The following PPP6C variants were observed in gnomAD, a reference collection of about 807,000 sequenced individuals.
PPP6C encodes the protein protein phosphatase 6 catalytic subunit.
A neutral mutation model predicts 39.8 loss-of-function variants in PPP6C; 11 were observed. The observed-to-expected ratio is 0.28, with a 90% confidence interval of 0.17 to 0.46. The LOEUF (loss-of-function observed/expected upper bound fraction) is 0.46. Ranked by LOEUF, PPP6C falls within the 20% of genes least tolerant of loss-of-function variation. PPP6C has a pLI of 1.00. For missense variants in PPP6C, 211 were observed against 373.9 expected (o/e 0.56, Z 3.59); for synonymous variants, 129 against 130.3 (o/e 0.99, Z 0.07).
chr9:125,151,213 T>C lies in PPP6C; in HGVS notation c.670-1292A>G. 6 of 1,508,176 alleles carry C rather than the reference T, an allele frequency of 4.0e-6. No homozygotes were observed. In the South Asian group the frequency reaches 6.8e-5, roughly 17 times the overall value. 93.4% of individuals were successfully genotyped at this position (1,508,176 alleles called of 1,614,324 possible). A position where few individuals can be genotyped will look rare whatever the true frequency, so the allele number is the denominator to read the frequency against. ...AGACAGGCTGAATGTGGACTTTGCC[T>C]TGATTCACAAAGAAGGCCAATGAAG... On this transcript the variant is annotated intron_variant, in intron 6 of 6. Transcript: ENST00000373547.
intron 4 of PPP6C, among the ~76,000 whole-genome samples, chr9:125,157,183 G>A (rs1236783871): frequency 7.3e-6 from 1 of 137,328 alleles, no homozygotes; most frequent in African/African-American, 2.7e-5. Context: ...ACAGGGTTTA[G>A]TTGGCCAGGC....
intron 2 of PPP6C, among the ~76,000 whole-genome samples, chr9:125,166,102 T>C (rs1297331760): frequency 3.9e-5 from 6 of 152,132 alleles, no homozygotes; most frequent in Non-Finnish European, 7.4e-5. Flanking sequence ...TGGCCTATAA[T>C]AGTCATCTTT....
Position 125,149,323 on chromosome 9 carries a change from T to A in PPP6C, c.*350A>T, listed in dbSNP as rs1476609736. 2 of 179,774 alleles carry A rather than the reference T, an allele frequency of 1.1e-5. No individual in the cohort carries two copies. The highest frequency in any genetic ancestry group is 1.4e-4 in the East Asian group (1 of 6,978). 11.1% of individuals were successfully genotyped at this position (179,774 alleles called of 1,614,324 possible). A position where few individuals can be genotyped will look rare whatever the true frequency, so the allele number is the denominator to read the frequency against. On this transcript the variant is annotated 3_prime_UTR_variant, in exon 7 of 7. Coordinates refer to ENST00000373547, the MANE Select transcript of PPP6C (RefSeq NM_002721.5). ...AGGCTGAATGATACAAAAGGAGGAG[T>A]ATTTAGGTGTAATCTGTCAATTGGC...
intron 3 of PPP6C, 106 bp downstream of exon 3, chr9:125,160,735 G>T (rs4837011): frequency 0.28 from 213,775 of 770,464 alleles, 31,651 homozygotes; most frequent in East Asian, 0.31. Context: ...TTAATATACT[G>T]AAATAGGGAC....
intron 1 of PPP6C, among the ~76,000 whole-genome samples, chr9:125,173,379 C>T (rs891261233): frequency 1.4e-5 from 2 of 138,754 alleles, no homozygotes; most frequent in Non-Finnish European, 3.0e-5. Flanking sequence ...TGCACTCCAG[C>T]CTGGGCAGCA....
chr9:125,149,632 G>T lies in PPP6C; in HGVS notation c.*41C>A, dbSNP rs774681081. ...GGGTAATACAAGAAAATTGGGGTAAGAAGAGGGCAGAAAAATGGGTCAGCA... is the reference window on the plus strand; with the variant it reads ...GGGTAATACAAGAAAATTGGGGTAATAAGAGGGCAGAAAAATGGGTCAGCA... On this transcript the variant is annotated 3_prime_UTR_variant, in exon 7 of 7. Transcript: ENST00000373547. 5.6e-6 allele frequency: 9 copies of T among 1,600,852 alleles called. No individual in the cohort carries two copies. Among genetic ancestry groups the T allele is most frequent in the Non-Finnish European group, 7.7e-6 (9 of 1,171,298 alleles).
intron 6 of PPP6C, chr9:125,151,111 G>C: frequency 7.3e-7 from 1 of 1,364,402 alleles, no homozygotes; most frequent in South Asian, 1.2e-5. Context: ...GTGGATAAGG[G>C]AGAATATCTC....
At chr9:125,159,025 G>C (rs1052219095) in intron 3 of PPP6C, among the ~76,000 whole-genome samples, 7 of 143,502 alleles carry the variant, frequency 4.9e-5, no homozygotes, top group Non-Finnish European at 9.1e-5. Context: ...CTGCTAACCA[G>C]TATTTTTTAA....
At chr9:125,160,141 GTGTA>G (rs1421744164) in intron 3 of PPP6C, among the ~76,000 whole-genome samples, 3 of 152,208 alleles carry the variant, frequency 2.0e-5, no homozygotes, top group Admixed American at 2.0e-4. Context: ...TATAGCAAAT[GTGTA>G]TGTGTGTATA....
chr9:125,149,327 T>C lies in PPP6C; in HGVS notation c.*346A>G. Reference sequence around the variant, plus strand: ...TGAATGATACAAAAGGAGGAGTATTTAGGTGTAATCTGTCAATTGGCTTTT... The same window carrying C: ...TGAATGATACAAAAGGAGGAGTATTCAGGTGTAATCTGTCAATTGGCTTTT... On this transcript the variant is annotated 3_prime_UTR_variant, in exon 7 of 7. Coordinates refer to ENST00000373547, the MANE Select transcript of PPP6C (RefSeq NM_002721.5). 5.4e-6 allele frequency: 1 copy of C among 185,790 alleles called. No individual in the cohort carries two copies. Among genetic ancestry groups the C allele is most frequent in the Non-Finnish European group, 1.1e-5 (1 of 89,706 alleles). The allele number at this position is 185,790 out of a possible 1,614,324, so 11.5% of individuals were successfully genotyped here.
chr9:125,164,859 C>T (rs1208798878), intron 2 of PPP6C, among the ~76,000 whole-genome samples: 4 of 152,186 alleles, frequency 2.6e-5, no homozygotes, highest in African/African-American at 9.7e-5. Context: ...CTGCCTCAGC[C>T]TCCCGAGTAG....
At chr9:125,180,508 C>T (rs1385279467) in intron 1 of PPP6C, among the ~76,000 whole-genome samples, 5 of 152,164 alleles carry the variant, frequency 3.3e-5, no homozygotes, top group South Asian at 4.1e-4. Context: ...CTACACCCTC[C>T]GCCTCCCAGG....
chr9:125,166,079 G>T (rs1331851374), intron 2 of PPP6C, among the ~76,000 whole-genome samples: 1 of 152,142 alleles, frequency 6.6e-6, no homozygotes, highest in Non-Finnish European at 1.5e-5. Context: ...TTGCAGGTGT[G>T]AGTCACCAGG....
At chr9:125,152,073 G>A (rs889775440) in intron 6 of PPP6C, among the ~76,000 whole-genome samples, 1 of 151,800 alleles carries the variant, frequency 6.6e-6, no homozygotes, top group African/African-American at 2.4e-5. Context: ...ACCCTGTAAG[G>A]CAGGAGTAGG....
At chr9:125,149,942 G>GT (rs764210794) in intron 6 of PPP6C, 21 bp from the exon 7 acceptor site, 19 of 1,609,330 alleles carry the variant, frequency 1.2e-5, no homozygotes, top group African/African-American at 6.7e-5. Context: ...GAAAGGCACT[G>GT]TAAGTACTTA....
intron 6 of PPP6C, 21 bp from the exon 7 acceptor site, chr9:125,149,942 G>C (rs750290219): frequency 1.2e-6 from 2 of 1,609,448 alleles, no homozygotes; most frequent in Middle Eastern, 1.7e-4. Context: ...GAAAGGCACT[G>C]TAAGTACTTA....
In PPP6C at chr9:125,149,300, G is replaced by C. The variant is rs1475708958; in HGVS notation, c.*373C>G. 3 of 165,968 alleles carry C rather than the reference G, an allele frequency of 1.8e-5. No homozygotes were observed. The highest frequency in any genetic ancestry group is 6.2e-5 in the Admixed American group (1 of 16,196). The allele number at this position is 165,968 out of a possible 1,614,324, so 10.3% of individuals were successfully genotyped here. On this transcript the variant is annotated 3_prime_UTR_variant, in exon 7 of 7. Coordinates refer to ENST00000373547, the MANE Select transcript of PPP6C (RefSeq NM_002721.5). ...AAAACTTACCAAACTAAAACAAAAG[G>C]CTGAATGATACAAAAGGAGGAGTAT... is the stretch of plus-strand genomic sequence containing the variant.
chr9:125,173,900 G>A (rs1459847961), intron 1 of PPP6C, among the ~76,000 whole-genome samples: 1 of 152,156 alleles, frequency 6.6e-6, no homozygotes. Context: ...ACAGGCGTGA[G>A]CCACCGCACC....
At chr9:125,156,869 A>G (rs1272302804) in intron 4 of PPP6C, among the ~76,000 whole-genome samples, 2 of 151,498 alleles carry the variant, frequency 1.3e-5, no homozygotes, top group Non-Finnish European at 2.9e-5. Flanking sequence ...CTGGAGTGGA[A>G]TGGAGCGATC....
Sources: allele counts gnomAD v4.1 joint callset (sites outside exome capture counted in the v4.1 genomes callset), GRCh38; gene constraint gnomAD v4.1.1; transcripts MANE v1.5; gene names NCBI Gene and HGNC (gene_info 2026-07-23, HGNC 2026-07-21).